The following MYOM1 variants were observed in gnomAD, a reference collection of about 807,000 sequenced individuals.
MYOM1 encodes the protein myomesin-1.
MYOM1 carries 164 observed loss-of-function variants against 205.3 expected under a neutral mutation model. The ratio of observed to expected loss-of-function variants is 0.80; its 90% CI spans 0.70 to 0.91. MYOM1 has a LOEUF of 0.91. Ranked by LOEUF, MYOM1 falls within the 40% of genes least tolerant of loss-of-function variation. MYOM1 has a pLI of 0.00. For synonymous variants in MYOM1, 772 were observed against 789.4 expected, an observed-to-expected ratio of 0.98 and a Z score of 0.37; for missense variants, 2,011 against 2,127.3, an observed-to-expected ratio of 0.95 and a Z score of 1.08.
intron 33 of MYOM1, among the ~76,000 whole-genome samples, chr18:3,082,059 C>A (rs1277868762): frequency 2.0e-5 from 3 of 152,214 alleles, no homozygotes; most frequent in South Asian, 4.1e-4. Flanking sequence ...AAGGAGCGCA[C>A]AACCTAGATC....
chr18:3,122,882 G>A (rs2079717644), intron 19 of MYOM1, among the ~76,000 whole-genome samples: 1 of 152,142 alleles, frequency 6.6e-6, no homozygotes, highest in South Asian at 2.1e-4. Context: ...ACCGATAATA[G>A]ATGTCTACAA....
chr18:3,136,341 T>G (rs1040512090), intron 14 of MYOM1, among the ~76,000 whole-genome samples: 1 of 152,224 alleles, frequency 6.6e-6, no homozygotes, highest in Non-Finnish European at 1.5e-5. Flanking sequence ...GTTAACTAAA[T>G]ACAATAATCT....
At chr18:3,094,668 C>CTT (rs111967746) in intron 25 of MYOM1, among the ~76,000 whole-genome samples, 2 of 143,872 alleles carry the variant, frequency 1.4e-5, no homozygotes, top group Non-Finnish European at 3.1e-5. Context: ...TTTTCTTTTT[C>CTT]TTTTTTTTTT....
intron 2 of MYOM1, 147 bp from the exon 3 acceptor site, chr18:3,194,105 G>A (rs2080959741): frequency 1.2e-6 from 1 of 854,042 alleles, no homozygotes; most frequent in South Asian, 2.1e-5. Context: ...TAGAATTAAA[G>A]TAGAGTTAGA....
At chr18:3,213,737 A>C (rs2081220017) in intron 2 of MYOM1, among the ~76,000 whole-genome samples, 1 of 152,248 alleles carries the variant, frequency 6.6e-6, no homozygotes, top group Admixed American at 6.5e-5. Context: ...CTTGCTGTTT[A>C]AAATTATATC....
intron 3 of MYOM1, among the ~76,000 whole-genome samples, chr18:3,191,813 A>G (rs1437088006): frequency 6.6e-6 from 1 of 151,498 alleles, no homozygotes; most frequent in African/African-American, 2.4e-5. Flanking sequence ...TTCCTGCCTC[A>G]GCCTCCCGAG....
chr18:3,236,681 G>A, the MYOM1 span: 3 of 152,274 alleles, frequency 2.0e-5, no homozygotes, highest in African/African-American at 7.2e-5. Context: ...TGTCAAGTGA[G>A]AGGTTAGATA....
At position 3,135,549 on chromosome 18, in the gene MYOM1, A is replaced by C. The variant is rs1224002757; in HGVS notation, c.2207T>G (p.Leu736Arg). 1 of 1,612,994 alleles carries C rather than the reference A, an allele frequency of 6.2e-7. No homozygotes were observed. The highest frequency in any genetic ancestry group is 1.3e-5 in the African/African-American group (1 of 74,944). ...AAAAGAAGTTTACAGTTGCTTACCA[A>C]GTTTGTCCCCTACCACAGTCACCTC... ...ATEVTVVGDKLDIPKAPGKII... is the reference protein window; with the variant it reads ...ATEVTVVGDKRDIPKAPGKII... Residue 736 changes from leucine (L) to arginine (R), a missense_variant and splice_region_variant, in exon 15 of 38, where the codon CTT becomes CGT. Coordinates refer to ENST00000356443, the MANE Select transcript of MYOM1 (RefSeq NM_003803.4). The surrounding 1 kb of genome is among the most constrained non-coding windows in gnomAD (Gnocchi z 4.1).
In MYOM1 at chr18:3,215,245, G is replaced by A. The variant is rs2081250681; in HGVS notation, c.-22C>T. On this transcript the variant is annotated 5_prime_UTR_variant, in exon 2 of 38. Coordinates refer to ENST00000356443, the MANE Select transcript of MYOM1 (RefSeq NM_003803.4). ...ACATCCTGTGCCCCTTGAAGGAACC[G>A]GGCCACCTGAAGGAAAACAACACTT... The A allele has an allele frequency of 4.4e-6, 7 of 1,583,714 alleles. No homozygotes were observed. The highest frequency in any genetic ancestry group is 1.3e-5 in the African/African-American group (1 of 74,262).
chr18:3,149,155 C>A lies in MYOM1; in HGVS notation c.1890G>T (p.Glu630Asp). The change falls in exon 13 of 38, where the codon GAG (glutamate) becomes GAT (aspartate). Residue 630 changes from glutamate (E) to aspartate (D), a missense_variant. Coordinates refer to ENST00000356443, the MANE Select transcript of MYOM1 (RefSeq NM_003803.4). Reference protein sequence around the residue: ...PWTGQIIVTEEEPSEGIVPGP... With the variant: ...PWTGQIIVTEDEPSEGIVPGP... ...AACCAGACTTCTTACCTGAAGGTTC[C>A]TCTTCAGTAACAATGATCTGTCCAG... The A allele has an allele frequency of 6.2e-7, 1 of 1,613,746 alleles. No homozygotes were observed. The highest frequency in any genetic ancestry group is 8.5e-7 in the Non-Finnish European group (1 of 1,179,704).
At chr18:3,220,492 T>C, upstream of MYOM1, among the ~76,000 whole-genome samples, 1 of 152,266 alleles carries the variant, frequency 6.6e-6, no homozygotes, top group East Asian at 1.9e-4. Context: ...GCTTCAAGCC[T>C]GAATATGTGA....
chr18:3,106,157 T>C (rs1034088387), intron 22 of MYOM1, among the ~76,000 whole-genome samples: 8 of 152,208 alleles, frequency 5.3e-5, no homozygotes, highest in African/African-American at 1.4e-4. Flanking sequence ...AGGATGTCTG[T>C]AGGCTATGTG....
At chr18:3,134,916 C>G (rs926462308) in intron 15 of MYOM1, 92 bp from the exon 16 acceptor site, 19 of 1,264,096 alleles carry the variant, frequency 1.5e-5, no homozygotes, top group Non-Finnish European at 2.0e-5. Context: ...GTATTTTACA[C>G]ACTTCGTCAT....
intron 20 of MYOM1, among the ~76,000 whole-genome samples, chr18:3,118,536 G>A (rs1010412529): frequency 1.3e-5 from 2 of 151,920 alleles, no homozygotes; most frequent in African/African-American, 2.4e-5. Context: ...GCCTCACCAC[G>A]TTGCCCAGCC....
At position 3,090,564 on chromosome 18, in the gene MYOM1, C is replaced by A. The variant is rs747569993; in HGVS notation, c.4009+94G>T. On this transcript the variant is annotated intron_variant, in intron 27 of 37. Coordinates refer to ENST00000356443, the MANE Select transcript of MYOM1 (RefSeq NM_003803.4). ...TTAGAAGTCAATTAAGAAAAAATTC[C>A]TACTACCTTTCAAATAACAACTTTT... The A allele has an allele frequency of 6.8e-5, 102 of 1,503,706 alleles. 1 individual carries two copies. The highest frequency in any genetic ancestry group is 8.3e-5 in the Non-Finnish European group (92 of 1,106,238). 93.1% of individuals were successfully genotyped at this position (1,503,706 alleles called of 1,614,324 possible).
intron 22 of MYOM1, among the ~76,000 whole-genome samples, chr18:3,107,556 G>A (rs2079468038): frequency 6.6e-6 from 1 of 152,150 alleles, no homozygotes; most frequent in Non-Finnish European, 1.5e-5. Context: ...ATTTACACAT[G>A]CAGGACTGGA....
At chr18:3,240,165 T>C in the MYOM1 span, among the ~76,000 whole-genome samples, 3 of 152,218 alleles carry the variant, frequency 2.0e-5, no homozygotes, top group Non-Finnish European at 4.4e-5. Context: ...AATCACTACG[T>C]TTATTCATTA....
chr18:3,216,129 A>G (rs1160221028), intron 1 of MYOM1, among the ~76,000 whole-genome samples: 1 of 151,988 alleles, frequency 6.6e-6, no homozygotes, highest in African/African-American at 2.4e-5. Context: ...TTAGCCTGGC[A>G]TGGTGGTGGG....
chr18:3,201,124 C>T (rs1482377290), intron 2 of MYOM1, among the ~76,000 whole-genome samples: 3 of 152,108 alleles, frequency 2.0e-5, no homozygotes, highest in African/African-American at 4.8e-5. Flanking sequence ...TCTGGCCGGG[C>T]GCAGTGGCTC....
Sources: gnomAD v4.1 joint callset for allele counts (sites outside exome capture counted in the v4.1 genomes callset) on GRCh38, gnomAD v4.1.1 for gene constraint, Gnocchi (gnomAD v3.1) non-coding constraint, MANE v1.5 for transcripts, NCBI Gene and HGNC (gene_info 2026-07-23, HGNC 2026-07-21) for gene names.